The following CYP26B1 variants were observed in gnomAD, a reference collection of about 807,000 sequenced individuals.
The protein encoded by CYP26B1 is cytochrome P450 26B1.
Under a neutral mutation model 39.1 loss-of-function variants are expected in CYP26B1, and 8 were observed. That is an observed-to-expected ratio of 0.20 (90% confidence interval 0.12 to 0.37). CYP26B1 has a LOEUF of 0.37. Ranked by LOEUF, CYP26B1 falls within the 10% of genes least tolerant of loss-of-function variation. CYP26B1 has a pLI of 1.00. For missense variants in CYP26B1, 615 were observed against 707.0 expected (o/e 0.87, Z 1.48); for synonymous variants, 321 against 314.3 (o/e 1.02, Z -0.23).
intron 4 of CYP26B1, 59 bp from the exon 5 acceptor site, chr2:72,133,366 C>A: frequency 1.3e-6 from 2 of 1,566,518 alleles, no homozygotes; most frequent in Non-Finnish European, 1.7e-6. Flanking sequence ...GCAGGGGCCG[C>A]CCCATTCAGT....
At chr2:72,138,316 C>T in intron 2 of CYP26B1, among the ~76,000 whole-genome samples, 1 of 152,300 alleles carries the variant, frequency 6.6e-6, no homozygotes, top group East Asian at 1.9e-4. Flanking sequence ...CCGCCCACCA[C>T]AAAGGATGGG....
At chr2:72,140,678 G>A (rs1001555595) in intron 2 of CYP26B1, among the ~76,000 whole-genome samples, 14 of 152,206 alleles carry the variant, frequency 9.2e-5, no homozygotes, top group African/African-American at 1.4e-4. Context: ...GCACCTCCTC[G>A]CTTCTCCATC....
Position 72,147,663 on chromosome 2 carries a change from G to A in CYP26B1, c.172C>T (p.Leu58Phe). ...PIPKGSMGFP[L>F]IGETGHWLLQ... ...AGCCAGTGGCCGGTCTCTCCGATGA[G>A]CGGGAAGCCCATGGATCCCTTGGGG... The change falls in exon 1 of 6, where the codon CTC becomes TTC. Residue 58 changes from leucine (L) to phenylalanine (F), a missense_variant. Physicochemically the swap from Leu to Phe is conservative, Grantham distance 22 (BLOSUM62 0). Coordinates refer to ENST00000001146, the MANE Select transcript of CYP26B1 (RefSeq NM_019885.4). This position sits in a 1 kb window ranked among gnomAD's most constrained non-coding sequence, Gnocchi z 6.1. The A allele has an allele frequency of 1.9e-6, 3 of 1,610,146 alleles. No homozygotes were observed. Among genetic ancestry groups the A allele is most frequent in the Non-Finnish European group, 2.5e-6 (3 of 1,178,830 alleles).
chr2:72,131,868 A>C lies in CYP26B1; in HGVS notation c.*359T>G. ...CTCTTCCCGTCCCCCAACCCCAGCT[A>C]AAAGGGTCCGAAAGGAACGGAGGGA... On this transcript the variant is annotated 3_prime_UTR_variant, in exon 6 of 6. Coordinates refer to ENST00000001146, the MANE Select transcript of CYP26B1 (RefSeq NM_019885.4). The C allele has an allele frequency of 2.5e-5, 6 of 239,900 alleles. No individual in the cohort carries two copies. The highest frequency in any genetic ancestry group is 2.5e-5 in the Non-Finnish European group (3 of 121,980). 14.9% of individuals were successfully genotyped at this position (239,900 alleles called of 1,614,324 possible). A position where few individuals can be genotyped will look rare whatever the true frequency, so the allele number is the denominator to read the frequency against.
Position 72,147,324 on chromosome 2 carries a change from C to T in CYP26B1, c.204+307G>A, listed in dbSNP as rs1040900604. ...CCCGGGACCGCGCCTCGCTAGGCGCCCCCGGGGCGCTCCACGCCCCCTGCC... is the reference window on the plus strand; with the variant it reads ...CCCGGGACCGCGCCTCGCTAGGCGCTCCCGGGGCGCTCCACGCCCCCTGCC... On this transcript the variant is annotated intron_variant, in intron 1 of 5. Transcript: ENST00000001146. This position sits in a 1 kb window ranked among gnomAD's most constrained non-coding sequence, Gnocchi z 6.1. Among the ~76,000 whole-genome samples, 12 of 152,132 alleles carry T rather than the reference C, an allele frequency of 7.9e-5. No individual in the cohort carries two copies. The highest frequency in any genetic ancestry group is 2.4e-4 in the African/African-American group (10 of 41,450).
At chr2:72,134,944 TG>T in intron 3 of CYP26B1, 28 bp from the exon 4 acceptor site, 1 of 1,612,250 alleles carries the variant, frequency 6.2e-7, no homozygotes, top group Non-Finnish European at 8.5e-7. Context: ...GTCACTCATA[TG>T]GAAGGGCAGG....
intron 2 of CYP26B1, 117 bp downstream of exon 2, chr2:72,143,872 A>T: frequency 7.9e-7 from 1 of 1,269,538 alleles, no homozygotes; most frequent in Non-Finnish European, 1.1e-6. Flanking sequence ...CGGAGTCTTC[A>T]AGCATGGTGT....
rs1676561463 is a variant in CYP26B1, at chr2:72,131,172, T to A, written c.*1055A>T. 6.6e-6 allele frequency: 1 copy of A among 152,536 alleles called. No individual in the cohort carries two copies. Among genetic ancestry groups the A allele is most frequent in the Admixed American group, 6.5e-5 (1 of 15,274 alleles). 9.4% of individuals were successfully genotyped at this position (152,536 alleles called of 1,614,324 possible). A position where few individuals can be genotyped will look rare whatever the true frequency, so the allele number is the denominator to read the frequency against. On this transcript the variant is annotated 3_prime_UTR_variant, in exon 6 of 6. Coordinates refer to ENST00000001146, the MANE Select transcript of CYP26B1 (RefSeq NM_019885.4). Reference sequence around the variant, plus strand: ...CCTCCAAATCTACCTGATCAGGGTTTTTGACAGGAGAGGGAGGAGGCAATG... The same window carrying A: ...CCTCCAAATCTACCTGATCAGGGTTATTGACAGGAGAGGGAGGAGGCAATG...
intron 2 of CYP26B1, among the ~76,000 whole-genome samples, chr2:72,138,695 C>T (rs1324892612): frequency 1.3e-5 from 2 of 152,162 alleles, no homozygotes; most frequent in African/African-American, 4.8e-5. Context: ...GTCACAGGAG[C>T]CCAGGAGCGC....
rs2104019368 is a variant in CYP26B1 at position 72,129,836 on chromosome 2, A to ACACACACACACG, written c.*2390_*2391insCGTGTGTGTGTG. ...CCATCTAATGCTAGCTGTATGAAACACACACGCACACGCACAGACACGGGC... is the reference window on the plus strand; with the variant it reads ...CCATCTAATGCTAGCTGTATGAAACACACACACACACGCACACGCACACGCACAGACACGGGC... On this transcript the variant is annotated 3_prime_UTR_variant, in exon 6 of 6. Transcript: ENST00000001146. 1 of 151,704 alleles carries ACACACACACACG rather than the reference A, an allele frequency of 6.6e-6. No individual in the cohort carries two copies. Among genetic ancestry groups the ACACACACACACG allele is most frequent in the Admixed American group, 6.6e-5 (1 of 15,220 alleles). The allele number at this position is 151,704 out of a possible 1,614,324, so 9.4% of individuals were successfully genotyped here. A position where few individuals can be genotyped will look rare whatever the true frequency, so the allele number is the denominator to read the frequency against.
At chr2:72,143,888 G>T in intron 2 of CYP26B1, 101 bp downstream of exon 2, 4 of 1,391,052 alleles carry the variant, frequency 2.9e-6, no homozygotes, top group South Asian at 1.2e-5. Context: ...GGTGTGCAAA[G>T]GGGGGCACAG....
At position 72,147,719 on chromosome 2, in the gene CYP26B1, G is replaced by A. The variant is rs977111332; in HGVS notation, c.116C>T (p.Ala39Val). ...CAGCTTGCAGCTCTTGTCGCGAGTG[G>A]CGGCCCAGCGCAGCTGCCACAGCTG... ...SQQLWQLRWA[A>V]TRDKSCKLPI... Residue 39 changes from alanine (A) to valine (V), a missense_variant, in exon 1 of 6, where the codon GCC becomes GTC. Coordinates refer to ENST00000001146, the MANE Select transcript of CYP26B1 (RefSeq NM_019885.4). The surrounding 1 kb of genome is among the most constrained non-coding windows in gnomAD (Gnocchi z 6.1). The A allele has an allele frequency of 7.5e-6, 12 of 1,597,760 alleles. No individual in the cohort carries two copies. The highest frequency in any genetic ancestry group is 1.0e-5 in the Non-Finnish European group (12 of 1,172,876).
At chr2:72,134,112 G>T (rs559670178) in intron 4 of CYP26B1, among the ~76,000 whole-genome samples, 1 of 152,358 alleles carries the variant, frequency 6.6e-6, no homozygotes, top group Non-Finnish European at 1.5e-5. Context: ...CCCCAGGAAA[G>T]AAGTTGGAGC....
At chr2:72,135,553 G>A in intron 2 of CYP26B1, 134 bp from the exon 3 acceptor site, 1 of 1,325,292 alleles carries the variant, frequency 7.5e-7, no homozygotes, top group South Asian at 1.2e-5. Context: ...TTGGGAGCTG[G>A]GCAGGCCAGC....
Position 72,147,771 on chromosome 2 carries a change from C to G in CYP26B1, c.64G>C (p.Val22Leu), listed in dbSNP as rs142156843. The change falls in exon 1 of 6, where the codon GTG becomes CTG. Residue 22 changes from valine (V) to leucine (L), a missense_variant. Coordinates refer to ENST00000001146, the MANE Select transcript of CYP26B1 (RefSeq NM_019885.4). The surrounding 1 kb of genome is among the most constrained non-coding windows in gnomAD (Gnocchi z 6.1). ...TGCGACACGGCCAGCAGCAGCGTCA[C>G]GGACACCAGGCACGCGGCGAGGGTG... ...LATLAACLVS[V>L]TLLLAVSQQL... 3.9e-4 allele frequency: 621 copies of G among 1,578,770 alleles called. 5 individuals are homozygous for G. The African/African-American group carries it at 7.5e-3, about 19-fold the overall frequency.
chr2:72,139,191 G>A (rs908988666), intron 2 of CYP26B1, among the ~76,000 whole-genome samples: 3 of 152,194 alleles, frequency 2.0e-5, no homozygotes, highest in African/African-American at 4.8e-5. Flanking sequence ...TGCCCAGGAG[G>A]GGTGGGGGCC....
In CYP26B1 at chr2:72,135,166, A is replaced by G. The variant is rs1426264965; in HGVS notation, c.683T>C (p.Leu228Pro). Residue 228 changes from leucine to proline, a missense_variant, in exon 3 of 6, where the codon CTG (leucine) becomes CCG (proline). Transcript: ENST00000001146. ...VDNVFSLPVD[L>P]PFSGYRRGIQ... ...CACCCGCCGGTAGCCACTGAAGGGC[A>G]GGTCGACAGGCAGGGAGAAGACATT... is the stretch of plus-strand genomic sequence containing the variant. The G allele has an allele frequency of 6.2e-7, 1 of 1,613,846 alleles. No individual in the cohort carries two copies. Among genetic ancestry groups the G allele is most frequent in the African/African-American group, 1.3e-5 (1 of 74,936 alleles).
chr2:72,139,660 A>G (rs1444962899), intron 2 of CYP26B1, among the ~76,000 whole-genome samples: 1 of 152,222 alleles, frequency 6.6e-6, no homozygotes, highest in Non-Finnish European at 1.5e-5. Flanking sequence ...CTTGGCAGAC[A>G]CTTGCCGAGC....
rs376643612 is a variant in CYP26B1 at position 72,132,213 on chromosome 2, G to T, written c.*14C>A. 6.3e-7 allele frequency: 1 copy of T among 1,594,942 alleles called. No homozygotes were observed. The highest frequency in any genetic ancestry group is 2.3e-5 in the East Asian group (1 of 44,176). On this transcript the variant is annotated 3_prime_UTR_variant, in exon 6 of 6. Transcript: ENST00000001146. ...CCCGCTGCCTGGGCTGGGCTGAGGCGGGTGGGTCTTGGGTTAGACTGTGGC... is the reference window on the plus strand; with the variant it reads ...CCCGCTGCCTGGGCTGGGCTGAGGCTGGTGGGTCTTGGGTTAGACTGTGGC...
Sources: allele counts gnomAD v4.1 joint callset (sites outside exome capture counted in the v4.1 genomes callset), GRCh38; gene constraint gnomAD v4.1.1; non-coding constraint Gnocchi (gnomAD v3.1); transcripts MANE v1.5; gene names NCBI Gene and HGNC (gene_info 2026-07-23, HGNC 2026-07-21).